CYTH1: variants seen among roughly 807,000 people sequenced by gnomAD.
CYTH1 encodes the protein cytohesin-1.
CYTH1 carries 18 observed loss-of-function variants against 61.8 expected under a neutral mutation model. That is an observed-to-expected ratio of 0.29 (90% CI 0.20 to 0.43). The LOEUF is 0.43. Ranked by LOEUF, CYTH1 falls within the 20% of genes least tolerant of loss-of-function variation. The pLI is 1.00. For synonymous variants in CYTH1, 174 were observed against 184.3 expected (o/e 0.94, Z 0.45); for missense variants, 336 against 510.5 (o/e 0.66, Z 3.29).
chr17:78,768,541 C>G (rs781743728), intron 1 of CYTH1, among the ~76,000 whole-genome samples: 51 of 152,198 alleles, frequency 3.4e-4, no homozygotes, highest in Non-Finnish European at 5.9e-4. Flanking sequence ...TGCTCACCTT[C>G]GTCACCCTGT....
rs1342645415 is a variant in CYTH1 at position 78,760,454 on chromosome 17, T to TAC, written c.22+21746_22+21747dup. ...ATACATATATATATGTATATATATA[T>TAC]ACATACATATATATATGTATATATA... On this transcript the variant is annotated intron_variant, in intron 1 of 13. Transcript: ENST00000446868. Among the ~76,000 whole-genome samples, 280 of 53,876 alleles carry TAC rather than the reference T, an allele frequency of 5.2e-3. 28 individuals are homozygous for TAC. The highest frequency in any genetic ancestry group is 0.02 in the African/African-American group (265 of 13,328). The allele number at this position is 53,876 out of a possible 152,430, so 35.3% of individuals were successfully genotyped here. A position where few individuals can be genotyped will look rare whatever the true frequency, so the allele number is the denominator to read the frequency against.
intron 1 of CYTH1, among the ~76,000 whole-genome samples, chr17:78,734,185 G>C (rs376550054): frequency 2.0e-5 from 3 of 151,900 alleles, no homozygotes; most frequent in African/African-American, 4.8e-5. Context: ...AGGAGGCAGA[G>C]GTTGCAGTGA....
intron 11 of CYTH1, among the ~76,000 whole-genome samples, chr17:78,681,388 A>G (rs1035226798): frequency 1.3e-5 from 2 of 151,990 alleles, no homozygotes; most frequent in African/African-American, 4.8e-5. Context: ...CTGAAGCCTC[A>G]GTTCTGGGGC....
intron 1 of CYTH1, among the ~76,000 whole-genome samples, chr17:78,739,591 T>G (rs1178001523): frequency 2.0e-5 from 3 of 152,072 alleles, no homozygotes; most frequent in African/African-American, 7.2e-5. Flanking sequence ...GGCAGCTATT[T>G]TAAGGACTCT....
intron 1 of CYTH1, among the ~76,000 whole-genome samples, chr17:78,777,594 C>CT (rs1258279246): frequency 6.6e-6 from 1 of 152,070 alleles, no homozygotes; most frequent in Non-Finnish European, 1.5e-5. Context: ...CAGAGAAACT[C>CT]TAAGACTCTC....
intron 1 of CYTH1, among the ~76,000 whole-genome samples, chr17:78,711,609 C>A (rs145798521): frequency 1.2e-3 from 180 of 152,096 alleles, no homozygotes; most frequent in African/African-American, 4.1e-3. Context: ...AGTTACTTTC[C>A]CCAAATATTT....
chr17:78,767,523 C>T (rs544693145), intron 1 of CYTH1, among the ~76,000 whole-genome samples: 2 of 150,004 alleles, frequency 1.3e-5, no homozygotes, highest in East Asian at 3.9e-4. Context: ...TTTAAAAAGT[C>T]TGAACAAACG....
At chr17:78,697,048 G>A (rs1305975722) in intron 9 of CYTH1, among the ~76,000 whole-genome samples, 1 of 152,140 alleles carries the variant, frequency 6.6e-6, no homozygotes, top group African/African-American at 2.4e-5. Flanking sequence ...TGCTGTAAGG[G>A]GAATTTATGA....
At chr17:78,719,564 GACATT>G (rs746134278) in intron 1 of CYTH1, among the ~76,000 whole-genome samples, 1 of 152,176 alleles carries the variant, frequency 6.6e-6, no homozygotes, top group Non-Finnish European at 1.5e-5. Context: ...ACTCCATGCT[GACATT>G]ACAAATATGT....
intron 13 of CYTH1, among the ~76,000 whole-genome samples, 171 bp downstream of exon 13, chr17:78,680,019 G>T (rs759686879): frequency 6.6e-6 from 1 of 152,210 alleles, no homozygotes; most frequent in Admixed American, 6.5e-5. Flanking sequence ...TAATAGCCAA[G>T]AATCCAAAGG....
chr17:78,723,418 AG>A (rs1473023410), intron 1 of CYTH1: 1 of 152,446 alleles, frequency 6.6e-6, no homozygotes. Context: ...CCAGCACAGC[AG>A]GGGTAGAGAA....
intron 1 of CYTH1, among the ~76,000 whole-genome samples, chr17:78,726,411 CT>C (rs1398352140): frequency 6.6e-6 from 1 of 150,796 alleles, no homozygotes; most frequent in African/African-American, 2.5e-5. Context: ...AAGAGGCCCC[CT>C]GTCAGTTACT....
At chr17:78,760,803 C>T (rs2093425829) in intron 1 of CYTH1, among the ~76,000 whole-genome samples, 1 of 151,674 alleles carries the variant, frequency 6.6e-6, no homozygotes, top group African/African-American at 2.4e-5. Context: ...TTCTCAAAAT[C>T]AAAATATATC....
At chr17:78,687,808 A>T (rs1194523533) in intron 11 of CYTH1, among the ~76,000 whole-genome samples, 1 of 152,200 alleles carries the variant, frequency 6.6e-6, no homozygotes, top group Non-Finnish European at 1.5e-5. Context: ...ACACAAGTAC[A>T]CAAGTTTCCT....
At chr17:78,733,667 A>T (rs1333515767) in intron 1 of CYTH1, among the ~76,000 whole-genome samples, 1 of 152,258 alleles carries the variant, frequency 6.6e-6, no homozygotes, top group Non-Finnish European at 1.5e-5. Flanking sequence ...TACTCACAGA[A>T]TTCCAGGCGA....
intron 9 of CYTH1, 117 bp downstream of exon 9, chr17:78,698,152 C>CAA: frequency 1.2e-6 from 1 of 850,440 alleles, no homozygotes. Context: ...CGCACGCGCA[C>CAA]ACATGCACAC....
chr17:78,703,042 T>G (rs2093029365), intron 3 of CYTH1, among the ~76,000 whole-genome samples: 2 of 151,962 alleles, frequency 1.3e-5, no homozygotes, highest in Non-Finnish European at 2.9e-5. Flanking sequence ...TGCGTCAGCC[T>G]CCCAAAGTGC....
At chr17:78,763,638 T>C (rs1715794539) in intron 1 of CYTH1, among the ~76,000 whole-genome samples, 1 of 152,178 alleles carries the variant, frequency 6.6e-6, no homozygotes, top group African/African-American at 2.4e-5. Context: ...TTCTATAAAA[T>C]ATGCTGTAAT....
chr17:78,713,086 A>T lies in CYTH1; in HGVS notation c.23-3354T>A, dbSNP rs571934597. Among the ~76,000 whole-genome samples, 38 of 150,530 alleles carry T rather than the reference A, an allele frequency of 2.5e-4. No homozygotes were observed. In the South Asian group the frequency reaches 6.5e-3, roughly 26 times the overall value. On this transcript the variant is annotated intron_variant, in intron 1 of 13. Coordinates refer to ENST00000446868, the MANE Select transcript of CYTH1 (RefSeq NM_004762.6). The stretch of plus-strand genomic sequence containing the variant: ...CTGAACAGTTCTCCCAACATTAAAA[A>T]ATATATATATATATATTAAAATGGC...
Sources: gnomAD v4.1 joint callset for allele counts (sites outside exome capture counted in the v4.1 genomes callset) on GRCh38, gnomAD v4.1.1 for gene constraint, MANE v1.5 for transcripts, NCBI Gene and HGNC (gene_info 2026-07-23, HGNC 2026-07-21) for gene names.